ZNF385D: variants seen among roughly 807,000 people sequenced by gnomAD.
ZNF385D encodes zinc finger protein 385D, also known as zinc finger protein 659.
ZNF385D carries 15 observed loss-of-function variants against 35.8 expected under a neutral mutation model. That is an observed-to-expected ratio of 0.42 (90% CI 0.28 to 0.64). The LOEUF is 0.64. Ranked by LOEUF, ZNF385D falls within the 30% of genes least tolerant of loss-of-function variation. The probability of loss-of-function intolerance (pLI) is 0.23; values close to 1 mark genes in which losing one functional copy is unlikely to be tolerated. For synonymous variants in ZNF385D, 212 were observed against 186.8 expected (o/e 1.13, Z -1.10); for missense variants, 474 against 494.6 (o/e 0.96, Z 0.39).
At chr3:22,285,090 T>A (rs745357104) in intron 2 of ZNF385D, among the ~76,000 whole-genome samples, 1 of 152,026 alleles carries the variant, frequency 6.6e-6, no homozygotes, top group Non-Finnish European at 1.5e-5. Context: ...TAGAAAAAAA[T>A]TGGAATTTTT....
At chr3:22,016,957 AACACACAC>A (rs558898355) in intron 3 of ZNF385D, among the ~76,000 whole-genome samples, 2 of 131,196 alleles carry the variant, frequency 1.5e-5, no homozygotes, top group Admixed American at 7.3e-5. Flanking sequence ...CACACACACA[AACACACAC>A]ACACACTTTC....
rs571681928 is a variant in ZNF385D at position 21,712,880 on chromosome 3, A to G, written c.22+38015T>C. ...AATTCCTTCTCCATTTATCCCCTGAAATATTGCAACAGACTCCTAACTGGC... is the reference window on the plus strand; with the variant it reads ...AATTCCTTCTCCATTTATCCCCTGAGATATTGCAACAGACTCCTAACTGGC... On this transcript the variant is annotated intron_variant, in intron 1 of 7. Transcript: ENST00000281523. Among the ~76,000 whole-genome samples the G allele has an allele frequency of 2.0e-5, 3 of 152,316 alleles. No individual in the cohort carries two copies. The South Asian group carries it at 6.2e-4, about 32-fold the overall frequency.
At chr3:21,859,195 T>C (rs9820193) in intron 3 of ZNF385D, among the ~76,000 whole-genome samples, 3,893 of 152,130 alleles carry the variant, frequency 0.026, 160 homozygotes, top group African/African-American at 0.087. Flanking sequence ...AAACAGCTCC[T>C]GAGCCTTTCT....
rs374838486 is a variant in ZNF385D at position 22,286,182 on chromosome 3, T to C, written c.106+86268A>G. 4.6e-5 allele frequency among the ~76,000 whole-genome samples: 7 copies of C among 152,188 alleles called. No homozygotes were observed. In the South Asian group the frequency reaches 8.3e-4, roughly 18 times the overall value. On this transcript the variant is annotated intron_variant, in intron 2 of 5. Coordinates refer to the ZNF385D transcript ENST00000494108. ...TCAATCACATATAAAATCTGGCAAA[T>C]ATTTTGGGTTTAATATTTAAATAAG... is the stretch of plus-strand genomic sequence containing the variant.
intron 4 of ZNF385D, among the ~76,000 whole-genome samples, chr3:21,470,922 A>C (rs1245801230): frequency 6.6e-6 from 1 of 152,168 alleles, no homozygotes; most frequent in Non-Finnish European, 1.5e-5. Context: ...AAATGGTGCC[A>C]TTAGAGTCTG....
In ZNF385D at chr3:22,028,691, C is replaced by T. The variant is rs184793093; in HGVS notation, c.325+140126G>A. ...ATGCCTTATCCATGATCATGGTATT[C>T]CACACAGCATTGCCTCAGACCAAGG... is the stretch of plus-strand genomic sequence containing the variant. On this transcript the variant is annotated intron_variant, in intron 3 of 5. Coordinates refer to the ZNF385D transcript ENST00000494108. Among the ~76,000 whole-genome samples the T allele has an allele frequency of 2.6e-3, 390 of 152,262 alleles. 1 individual carries two copies. The highest frequency in any genetic ancestry group is 4.2e-3 in the Non-Finnish European group (288 of 68,022).
At chr3:21,704,343 T>G (rs377710372) in intron 1 of ZNF385D, among the ~76,000 whole-genome samples, 1 of 152,064 alleles carries the variant, frequency 6.6e-6, no homozygotes, top group East Asian at 1.9e-4. Flanking sequence ...TTATGTGTAC[T>G]TGCAACATAC....
chr3:22,266,115 A>T (rs1432148862), intron 2 of ZNF385D, among the ~76,000 whole-genome samples: 2 of 151,952 alleles, frequency 1.3e-5, no homozygotes, highest in Non-Finnish European at 2.9e-5. Context: ...GGTTACTCTC[A>T]ACTGGATTCT....
chr3:21,760,729 T>C (rs1384151457), intron 3 of ZNF385D, among the ~76,000 whole-genome samples: 2 of 152,210 alleles, frequency 1.3e-5, no homozygotes, highest in African/African-American at 4.8e-5. Flanking sequence ...ATAAGAAATC[T>C]GGGCTTTTTC....
chr3:22,184,129 G>A (rs890891643), intron 2 of ZNF385D, among the ~76,000 whole-genome samples: 1 of 152,120 alleles, frequency 6.6e-6, no homozygotes, highest in Non-Finnish European at 1.5e-5. Context: ...TGTGCTGACT[G>A]TAACATGTTC....
chr3:21,908,078 G>C (rs1334546738), intron 3 of ZNF385D, among the ~76,000 whole-genome samples: 2 of 151,694 alleles, frequency 1.3e-5, no homozygotes, highest in Non-Finnish European at 2.9e-5. Flanking sequence ...AGGCAAAAAA[G>C]TTATTTATTT....
rs142935508 is a variant in ZNF385D, at chr3:21,662,150, A to G, written c.165+2736T>C. Among the ~76,000 whole-genome samples the G allele has an allele frequency of 3.4e-3, 516 of 152,174 alleles. 4 individuals carry two copies. Among genetic ancestry groups the G allele is most frequent in the African/African-American group, 0.012 (484 of 41,546 alleles). On this transcript the variant is annotated intron_variant, in intron 2 of 7. Coordinates refer to ENST00000281523, the MANE Select transcript of ZNF385D (RefSeq NM_024697.3). ...TGGCAGAGTTCATCACTTATCATCA[A>G]AGAAGGGATAGCTGTATTGTGGATC...
chr3:22,007,309 T>C (rs924522251), intron 3 of ZNF385D, among the ~76,000 whole-genome samples: 1 of 152,244 alleles, frequency 6.6e-6, no homozygotes, highest in African/African-American at 2.4e-5. Flanking sequence ...TCATAAGTGT[T>C]CATAAAGATC....
intron 3 of ZNF385D, among the ~76,000 whole-genome samples, chr3:22,145,493 AT>A (rs766681590): frequency 7.2e-5 from 11 of 152,214 alleles, no homozygotes; most frequent in Non-Finnish European, 1.2e-4. Context: ...TATGAAGGCA[AT>A]TTAGTCTCTA....
At chr3:21,438,688 T>A (rs1323054293) in intron 4 of ZNF385D, among the ~76,000 whole-genome samples, 1 of 152,128 alleles carries the variant, frequency 6.6e-6, no homozygotes, top group East Asian at 1.9e-4. Context: ...TTTCAATCAC[T>A]TATCTACCTG....
At chr3:21,665,311 C>T (rs2066372311) in intron 1 of ZNF385D, among the ~76,000 whole-genome samples, 1 of 152,146 alleles carries the variant, frequency 6.6e-6, no homozygotes, top group Non-Finnish European at 1.5e-5. Context: ...GCCTAGAGCT[C>T]CAGATTGGGT....
intron 2 of ZNF385D, among the ~76,000 whole-genome samples, chr3:22,202,793 C>T (rs1168060212): frequency 6.6e-6 from 1 of 152,102 alleles, no homozygotes; most frequent in African/African-American, 2.4e-5. Flanking sequence ...GCAGGCTGTG[C>T]TCCCAGCACT....
intron 3 of ZNF385D, among the ~76,000 whole-genome samples, chr3:21,809,632 A>G (rs559515206): frequency 3.7e-4 from 54 of 146,136 alleles, no homozygotes; most frequent in Non-Finnish European, 6.9e-4. Context: ...ATACACACAT[A>G]TATACACATA....
At chr3:22,153,628 T>C (rs1007171391) in intron 3 of ZNF385D, among the ~76,000 whole-genome samples, 3 of 151,944 alleles carry the variant, frequency 2.0e-5, no homozygotes, top group Non-Finnish European at 4.4e-5. Flanking sequence ...TATACCCTGA[T>C]GATTTTTGTA....
Sources: gnomAD v4.1 joint callset for allele counts (sites outside exome capture counted in the v4.1 genomes callset) on GRCh38, gnomAD v4.1.1 for gene constraint, MANE v1.5 for transcripts, NCBI Gene and HGNC (gene_info 2026-07-23, HGNC 2026-07-21) for gene names.